LPP: variants seen among roughly 807,000 people sequenced by gnomAD.
The protein encoded by LPP is lipoma-preferred partner.
LPP carries 38 observed loss-of-function variants against 60.4 expected under a neutral mutation model. The observed-to-expected ratio is 0.63, with a 90% CI of 0.49 to 0.83. The LOEUF (loss-of-function observed/expected upper bound fraction) is 0.83. Ranked by LOEUF, LPP falls within the 40% of genes least tolerant of loss-of-function variation. The pLI is 0.00. For missense variants in LPP, 902 were observed against 783.6 expected (o/e 1.15, Z -1.80); for synonymous variants, 328 against 290.8 (o/e 1.13, Z -1.30).
chr3:188,253,390 G>A (rs1184881401), intron 2 of LPP, among the ~76,000 whole-genome samples: 9 of 152,056 alleles, frequency 5.9e-5, no homozygotes, highest in Non-Finnish European at 1.0e-4. Context: ...TTCACATTTA[G>A]ATCTTTAATT....
intron 3 of LPP, among the ~76,000 whole-genome samples, chr3:188,375,193 C>T (rs1397930384): frequency 6.6e-6 from 1 of 152,130 alleles, no homozygotes; most frequent in Non-Finnish European, 1.5e-5. Context: ...CTCTGCCAGG[C>T]TTTGGTATCA....
chr3:188,327,084 T>G (rs1340625096), intron 2 of LPP, among the ~76,000 whole-genome samples: 1 of 152,228 alleles, frequency 6.6e-6, no homozygotes, highest in African/African-American at 2.4e-5. Context: ...TCAACTCATT[T>G]GACCACATAA....
rs1260315291 is a variant in LPP, at chr3:188,610,156, C to T, written c.1113+312C>T. Among the ~76,000 whole-genome samples, 1 of 152,206 alleles carries T rather than the reference C, an allele frequency of 6.6e-6. No individual in the cohort carries two copies. Among genetic ancestry groups the T allele is most frequent in the African/African-American group, 2.4e-5 (1 of 41,452 alleles). The stretch of plus-strand genomic sequence containing the variant: ...GAAAGAGAAAATAATTTATTTTTCA[C>T]ATCCTTCCCTATATTGGTTAAAGCT... On this transcript the variant is annotated intron_variant, in intron 7 of 11. Transcript: ENST00000617246. This position sits in a 1 kb window ranked among gnomAD's most constrained non-coding sequence, Gnocchi z 4.4.
intron 2 of LPP, among the ~76,000 whole-genome samples, chr3:188,281,758 G>C (rs1322967232): frequency 6.6e-6 from 1 of 151,942 alleles, no homozygotes; most frequent in Non-Finnish European, 1.5e-5. Flanking sequence ...TTAGCAATTT[G>C]CCATGTGTCT....
chr3:188,725,736 A>G (rs546362859), intron 8 of LPP, among the ~76,000 whole-genome samples: 1 of 152,192 alleles, frequency 6.6e-6, no homozygotes, highest in Non-Finnish European at 1.5e-5. Flanking sequence ...AGTGCTTACA[A>G]ATAGCTCAAT....
intron 6 of LPP, among the ~76,000 whole-genome samples, chr3:188,578,786 CTGCTA>C (rs1197933189): frequency 6.6e-6 from 1 of 152,160 alleles, no homozygotes; most frequent in Non-Finnish European, 1.5e-5. Context: ...GCTGCATGTG[CTGCTA>C]TTACACACAA....
chr3:188,725,017 A>T (rs1328082517), intron 8 of LPP, among the ~76,000 whole-genome samples: 1 of 152,222 alleles, frequency 6.6e-6, no homozygotes, highest in African/African-American at 2.4e-5. Context: ...GGCAGTGTCA[A>T]TGTATCTGTG....
In LPP at chr3:188,773,368, A is replaced by G. The variant is rs577743466; in HGVS notation, c.1410+13086A>G. Among the ~76,000 whole-genome samples the G allele has an allele frequency of 1.4e-4, 22 of 152,074 alleles. No individual in the cohort carries two copies. In the East Asian group the frequency reaches 4.3e-3, roughly 29 times the overall value. Reference sequence around the variant, plus strand: ...TTATGTAGGTCTTCAAAGAATATATATATATATAAATTTTTTTAATTCAGT... The same window carrying G: ...TTATGTAGGTCTTCAAAGAATATATGTATATATAAATTTTTTTAATTCAGT... On this transcript the variant is annotated intron_variant, in intron 9 of 11. Transcript: ENST00000617246.
chr3:188,557,301 G>T (rs1264581474), intron 6 of LPP, among the ~76,000 whole-genome samples: 1 of 151,994 alleles, frequency 6.6e-6, no homozygotes, highest in African/African-American at 2.4e-5. Context: ...CTGAAATAAA[G>T]CAAAACTGTG....
At chr3:188,419,747 G>A (rs976044400) in intron 4 of LPP, among the ~76,000 whole-genome samples, 4 of 151,876 alleles carry the variant, frequency 2.6e-5, no homozygotes, top group African/African-American at 4.8e-5. Flanking sequence ...AAAATTAGCC[G>A]GGCGTGGTGG....
intron 7 of LPP, among the ~76,000 whole-genome samples, chr3:188,640,633 T>C (rs1365776180): frequency 6.6e-6 from 1 of 151,712 alleles, no homozygotes; most frequent in South Asian, 2.1e-4. Flanking sequence ...GCAATATGGG[T>C]ATCTTTTTTA....
At chr3:188,767,825 A>C (rs1985014) in intron 9 of LPP, among the ~76,000 whole-genome samples, 40,043 of 152,044 alleles carry the variant, frequency 0.26, 5,787 homozygotes, top group East Asian at 0.65. Context: ...GCAACAGGAA[A>C]CAGTGCATAT....
intron 4 of LPP, among the ~76,000 whole-genome samples, chr3:188,446,029 G>A (rs1294274204): frequency 2.0e-5 from 3 of 152,158 alleles, no homozygotes; most frequent in Non-Finnish European, 2.9e-5. Context: ...TGCACCCACT[G>A]TTTTTCTTTT....
intron 6 of LPP, among the ~76,000 whole-genome samples, chr3:188,573,504 C>T (rs1833957774): frequency 6.6e-6 from 1 of 152,066 alleles, no homozygotes; most frequent in Non-Finnish European, 1.5e-5. Flanking sequence ...TACGTCGTAG[C>T]TTAGCAGAGG....
chr3:188,657,258 G>GTGTATATATATATATA (rs1553782707), intron 7 of LPP, among the ~76,000 whole-genome samples: 66 of 89,838 alleles, frequency 7.3e-4, no homozygotes, highest in East Asian at 5.6e-3. Context: ...CTGTCAAGGT[G>GTGTATATATATATATA]TATATATATA....
chr3:188,690,199 C>G lies in LPP; in HGVS notation c.1114-18068C>G, dbSNP rs77556267. 5.1e-3 allele frequency among the ~76,000 whole-genome samples: 774 copies of G among 152,280 alleles called. 9 individuals carry two copies. The highest frequency in any genetic ancestry group is 0.011 in the Admixed American group (162 of 15,300). Reference sequence around the variant, plus strand: ...GAGAGATTATGTGACATAGCTAGGTCATGTGACTAGTATGCAGCAGGCTTG... The same window carrying G: ...GAGAGATTATGTGACATAGCTAGGTGATGTGACTAGTATGCAGCAGGCTTG... On this transcript the variant is annotated intron_variant, in intron 7 of 11. Transcript: ENST00000617246.
chr3:188,482,383 C>G (rs1051780414), intron 4 of LPP, among the ~76,000 whole-genome samples: 18 of 152,186 alleles, frequency 1.2e-4, no homozygotes, highest in Non-Finnish European at 1.5e-5. Context: ...TGCCTAAGCT[C>G]TCATTGTGAG....
chr3:188,307,951 G>GTA (rs1752077417), intron 2 of LPP, among the ~76,000 whole-genome samples: 1 of 152,154 alleles, frequency 6.6e-6, no homozygotes. Flanking sequence ...GTGTGTGTGT[G>GTA]TCTGTGCGTG....
intron 3 of LPP, among the ~76,000 whole-genome samples, chr3:188,373,583 G>A (rs1025048896): frequency 1.3e-5 from 2 of 151,922 alleles, no homozygotes; most frequent in Non-Finnish European, 1.5e-5. Context: ...ATTTGTTTGA[G>A]TTCATTGTAG....
Sources: gnomAD v4.1 joint callset for allele counts (sites outside exome capture counted in the v4.1 genomes callset) on GRCh38, gnomAD v4.1.1 for gene constraint, Gnocchi (gnomAD v3.1) non-coding constraint, MANE v1.5 for transcripts, NCBI Gene and HGNC (gene_info 2026-07-23, HGNC 2026-07-21) for gene names.